PPP3CC: variants seen among roughly 807,000 people sequenced by gnomAD.
The protein encoded by PPP3CC is protein phosphatase 3 catalytic subunit gamma.
In PPP3CC, 35 loss-of-function variants were observed where a neutral mutation model predicts 60.3. That is an observed-to-expected ratio of 0.58 (90% CI 0.44 to 0.77). The LOEUF (loss-of-function observed/expected upper bound fraction) is 0.77, where lower values mean the gene tolerates loss of function less well. PPP3CC is among the 30% of genes least tolerant of loss of function. The pLI, the probability that PPP3CC is intolerant of heterozygous loss-of-function variation, is 0.00. For synonymous variants in PPP3CC, 206 were observed against 224.3 expected (o/e 0.92, Z 0.73); for missense variants, 570 against 628.9 (o/e 0.91, Z 1.00).
chr8:22,474,879 C>T, intron 1 of PPP3CC, 75 bp from the exon 2 acceptor site: 1 of 1,017,592 alleles, frequency 9.8e-7, no homozygotes, highest in Non-Finnish European at 1.3e-6. Context: ...TTTAATTTGT[C>T]ATGTAAAAGA....
intron 1 of PPP3CC, among the ~76,000 whole-genome samples, chr8:22,452,536 G>A (rs1837066506): frequency 2.0e-5 from 3 of 151,902 alleles, no homozygotes; most frequent in East Asian, 3.9e-4. Context: ...TGCTCTGTTA[G>A]CCGGCTGAAG....
At chr8:22,471,370 T>C (rs553022895) in intron 1 of PPP3CC, among the ~76,000 whole-genome samples, 46 of 151,386 alleles carry the variant, frequency 3.0e-4, no homozygotes, top group Middle Eastern at 6.8e-3. Flanking sequence ...GGTAATACAG[T>C]CATGCATCCG....
intron 3 of PPP3CC, among the ~76,000 whole-genome samples, chr8:22,482,097 A>G (rs1427045426): frequency 6.6e-6 from 1 of 152,176 alleles, no homozygotes; most frequent in African/African-American, 2.4e-5. Context: ...CTAATCCTTG[A>G]GGAATCACCC....
At chr8:22,465,142 G>C (rs1343508810) in intron 1 of PPP3CC, among the ~76,000 whole-genome samples, 1 of 151,924 alleles carries the variant, frequency 6.6e-6, no homozygotes, top group African/African-American at 2.4e-5. Context: ...TGTGTTTTTA[G>C]TAGAGACGGG....
chr8:22,532,145 T>C, intron 10 of PPP3CC, 80 bp from the exon 11 acceptor site: 1 of 1,011,168 alleles, frequency 9.9e-7, no homozygotes, highest in South Asian at 1.6e-5. Context: ...TTCTTTAACT[T>C]AAGACACTTC....
chr8:22,510,995 C>A, intron 4 of PPP3CC, 91 bp from the exon 5 acceptor site: 1 of 1,346,618 alleles, frequency 7.4e-7, no homozygotes, highest in East Asian at 2.3e-5. Flanking sequence ...ATAAATGGCT[C>A]TAAAGTAGCT....
At chr8:22,536,307 A>G (rs1026274646) in intron 12 of PPP3CC, among the ~76,000 whole-genome samples, 1 of 152,244 alleles carries the variant, frequency 6.6e-6, no homozygotes, top group Non-Finnish European at 1.5e-5. Context: ...CAACTCTGAC[A>G]ACAAAGATAG....
At chr8:22,494,492 T>C (rs1838504774) in intron 3 of PPP3CC, among the ~76,000 whole-genome samples, 1 of 152,216 alleles carries the variant, frequency 6.6e-6, no homozygotes, top group South Asian at 2.1e-4. Flanking sequence ...CCTCTCAGTT[T>C]TTGCTTGTGT....
Position 22,441,468 on chromosome 8 carries a change from G to A in PPP3CC, c.49+10G>A, listed in dbSNP as rs1237676503. 2.6e-6 allele frequency: 4 copies of A among 1,532,324 alleles called. No homozygotes were observed. In the African/African-American group the frequency reaches 5.6e-5, roughly 22 times the overall value. 94.9% of individuals were successfully genotyped at this position (1,532,324 alleles called of 1,614,324 possible). ...GACCGCGTCATCAAAGGTGCCTGGC[G>A]GGCCGGGCCTTCCTCTGGGACCCGC... On this transcript the variant is annotated intron_variant, in intron 1 of 13. Transcript: ENST00000240139.
intron 1 of PPP3CC, among the ~76,000 whole-genome samples, chr8:22,459,519 A>G (rs1348725996): frequency 1.3e-5 from 2 of 151,872 alleles, no homozygotes; most frequent in Non-Finnish European, 2.9e-5. Context: ...GAATTGTGTA[A>G]AATACTTTCA....
At chr8:22,447,012 G>GT (rs922028543) in intron 1 of PPP3CC, among the ~76,000 whole-genome samples, 4 of 151,038 alleles carry the variant, frequency 2.6e-5, no homozygotes, top group Non-Finnish European at 5.9e-5. Context: ...CCCGTTTATA[G>GT]TTTTTTTTGG....
chr8:22,480,707 G>A (rs1420492022), intron 3 of PPP3CC, among the ~76,000 whole-genome samples: 2 of 152,016 alleles, frequency 1.3e-5, no homozygotes, highest in Admixed American at 6.6e-5. Context: ...TCCAACTCCT[G>A]ATCTCAGGTG....
intron 6 of PPP3CC, among the ~76,000 whole-genome samples, chr8:22,514,678 T>C (rs1033429279): frequency 4.1e-5 from 6 of 147,616 alleles, no homozygotes; most frequent in African/African-American, 1.5e-4. Flanking sequence ...GTTGTTTTTT[T>C]TTTCACCTTT....
rs144161623 is a variant in PPP3CC, at chr8:22,465,078, C to T, written c.50-9876C>T. 9.1e-3 allele frequency among the ~76,000 whole-genome samples: 1,378 copies of T among 151,926 alleles called. 10 individuals are homozygous for T. Among genetic ancestry groups the T allele is most frequent in the Middle Eastern group, 0.02 (6 of 294 alleles). Reference sequence around the variant, plus strand: ...GCTCAAGTGATCCTCCCACCTCAGCCGCCCAAGTAGCTGGGACTCCAGGCT... The same window carrying T: ...GCTCAAGTGATCCTCCCACCTCAGCTGCCCAAGTAGCTGGGACTCCAGGCT... On this transcript the variant is annotated intron_variant, in intron 1 of 13. Transcript: ENST00000240139.
chr8:22,472,465 T>C (rs1007204609), intron 1 of PPP3CC, among the ~76,000 whole-genome samples: 1 of 149,530 alleles, frequency 6.7e-6, no homozygotes, highest in Non-Finnish European at 1.5e-5. Flanking sequence ...CCCCCCTACA[T>C]CTTTATCCAC....
In PPP3CC at chr8:22,489,575, A is replaced by T. The variant is rs1045143069; in HGVS notation, c.373-8426A>T. 3.5e-5 allele frequency among the ~76,000 whole-genome samples: 5 copies of T among 144,320 alleles called. No homozygotes were observed. The East Asian group carries it at 9.8e-4, about 28-fold the overall frequency. The allele number at this position is 144,320 out of a possible 152,430, so 94.7% of individuals were successfully genotyped here. ...AGTGAGAGGTACAGCATATATATATATAACAAATATATATTATATATAATA... is the reference window on the plus strand; with the variant it reads ...AGTGAGAGGTACAGCATATATATATTTAACAAATATATATTATATATAATA... On this transcript the variant is annotated intron_variant, in intron 3 of 13. Coordinates refer to ENST00000240139, the MANE Select transcript of PPP3CC (RefSeq NM_005605.5).
chr8:22,514,733 C>T (rs1839195265), intron 6 of PPP3CC, among the ~76,000 whole-genome samples: 1 of 145,308 alleles, frequency 6.9e-6, no homozygotes, highest in African/African-American at 2.6e-5. Flanking sequence ...CTCGGTCACC[C>T]AGGCTGGTGT....
chr8:22,520,370 A>G (rs932970451), intron 6 of PPP3CC, among the ~76,000 whole-genome samples: 2 of 152,118 alleles, frequency 1.3e-5, no homozygotes, highest in African/African-American at 2.4e-5. Flanking sequence ...TAGATTTGTT[A>G]AACTGTTAGC....
intron 3 of PPP3CC, among the ~76,000 whole-genome samples, chr8:22,488,085 C>T (rs1190755882): frequency 6.6e-6 from 1 of 152,076 alleles, no homozygotes; most frequent in Admixed American, 6.5e-5. Context: ...TTATATATCT[C>T]GTTACCTCAA....
Sources: gnomAD v4.1 joint callset for allele counts (sites outside exome capture counted in the v4.1 genomes callset) on GRCh38, gnomAD v4.1.1 for gene constraint, MANE v1.5 for transcripts, NCBI Gene and HGNC (gene_info 2026-07-23, HGNC 2026-07-21) for gene names.